The following SLC24A2 variants were observed in gnomAD, a reference collection of about 807,000 sequenced individuals.
The protein encoded by SLC24A2 is sodium/potassium/calcium exchanger 2.
In SLC24A2, 36 loss-of-function variants were observed where a neutral mutation model predicts 62.0. The observed-to-expected ratio is 0.58, with a 90% CI of 0.44 to 0.77. The LOEUF is 0.77. Among genes scored for constraint, SLC24A2 ranks in the 30% least tolerant of loss-of-function variants. The pLI, the probability that SLC24A2 is intolerant of heterozygous loss-of-function variation, is 0.00. For missense variants in SLC24A2, 846 were observed against 817.9 expected (o/e 1.03, Z -0.42); for synonymous variants, 358 against 294.0 (o/e 1.22, Z -2.23).
At chr9:19,837,224 G>C in the SLC24A2 span, among the ~76,000 whole-genome samples, 1 of 151,364 alleles carries the variant, frequency 6.6e-6, no homozygotes, top group South Asian at 2.1e-4. Context: ...AGGCCGAGGC[G>C]GGTGGATCAT....
the SLC24A2 span, among the ~76,000 whole-genome samples, chr9:20,270,941 A>C: frequency 6.6e-6 from 1 of 152,104 alleles, no homozygotes. Flanking sequence ...TGTTCTTTGG[A>C]ATCCAGTTTC....
chr9:20,176,620 G>A, the SLC24A2 span, among the ~76,000 whole-genome samples: 7 of 152,206 alleles, frequency 4.6e-5, no homozygotes, highest in South Asian at 8.3e-4. Context: ...CATAGACACC[G>A]ATGAAGATGC....
At chr9:20,258,145 G>A in the SLC24A2 span, among the ~76,000 whole-genome samples, 72 of 152,256 alleles carry the variant, frequency 4.7e-4, no homozygotes, top group African/African-American at 1.5e-3. Context: ...CATCCGGAAC[G>A]GTGATATGTT....
chr9:20,259,682 T>G, the SLC24A2 span, among the ~76,000 whole-genome samples: 3 of 152,140 alleles, frequency 2.0e-5, no homozygotes, highest in Non-Finnish European at 2.9e-5. Flanking sequence ...CTTAATCATC[T>G]CAAGCCTCTG....
At chr9:20,161,559 G>A in the SLC24A2 span, among the ~76,000 whole-genome samples, 390 of 151,370 alleles carry the variant, frequency 2.6e-3, 2 homozygotes, top group Non-Finnish European at 4.1e-3. Flanking sequence ...GGGATGAAAG[G>A]ATGGTTCAAT....
the SLC24A2 span, among the ~76,000 whole-genome samples, chr9:20,133,062 A>G: frequency 1.3e-5 from 2 of 152,096 alleles, no homozygotes; most frequent in Non-Finnish European, 2.9e-5. Context: ...GTTCACTTTA[A>G]CTAAGGGAGA....
At chr9:20,197,176 G>C in the SLC24A2 span, among the ~76,000 whole-genome samples, 1 of 152,116 alleles carries the variant, frequency 6.6e-6, no homozygotes, top group African/African-American at 2.4e-5. Context: ...ACTTGGATAA[G>C]AGATTTCTAG....
the SLC24A2 span, among the ~76,000 whole-genome samples, chr9:20,034,180 A>C: frequency 1.3e-5 from 2 of 151,968 alleles, no homozygotes; most frequent in Admixed American, 6.6e-5. Flanking sequence ...TATCTACACG[A>C]CCCCTTCCTT....
the SLC24A2 span, among the ~76,000 whole-genome samples, chr9:20,301,377 G>A: frequency 6.6e-6 from 1 of 151,938 alleles, no homozygotes; most frequent in African/African-American, 2.4e-5. Flanking sequence ...TGGAAAAAAT[G>A]TAAAAGAAAA....
At chr9:20,073,183 G>C in the SLC24A2 span, among the ~76,000 whole-genome samples, 11 of 152,142 alleles carry the variant, frequency 7.2e-5, no homozygotes, top group Non-Finnish European at 1.6e-4. Context: ...GTTGTCTGGG[G>C]CTGGAGTATC....
At chr9:19,687,363 C>A (rs1344531528) in intron 2 of SLC24A2, among the ~76,000 whole-genome samples, 2 of 152,108 alleles carry the variant, frequency 1.3e-5, no homozygotes, top group Non-Finnish European at 2.9e-5. Flanking sequence ...CCCTTGTGTA[C>A]ATAGTCCTCA....
the SLC24A2 span, among the ~76,000 whole-genome samples, chr9:20,280,205 G>C: frequency 1.3e-5 from 2 of 152,226 alleles, no homozygotes; most frequent in Non-Finnish European, 2.9e-5. Flanking sequence ...GTTAAACGAA[G>C]ATGTGGCTCA....
At chr9:19,948,574 C>G in the SLC24A2 span, among the ~76,000 whole-genome samples, 1 of 152,114 alleles carries the variant, frequency 6.6e-6, no homozygotes, top group Non-Finnish European at 1.5e-5. Context: ...ACAGAGCTAA[C>G]GGGCCGGGCG....
intron 3 of SLC24A2, among the ~76,000 whole-genome samples, chr9:19,620,966 G>A (rs1393063628): frequency 2.0e-5 from 3 of 152,042 alleles, no homozygotes; most frequent in Non-Finnish European, 4.4e-5. Context: ...GAGACCCCAT[G>A]ATCAAATACA....
the SLC24A2 span, among the ~76,000 whole-genome samples, chr9:20,108,204 A>T: frequency 6.6e-6 from 1 of 151,992 alleles, no homozygotes; most frequent in Non-Finnish European, 1.5e-5. Context: ...AACAACAGGT[A>T]CTGGAGAGGA....
chr9:20,069,068 C>T, the SLC24A2 span, among the ~76,000 whole-genome samples: 8 of 152,108 alleles, frequency 5.3e-5, no homozygotes, highest in South Asian at 1.7e-3. Flanking sequence ...TTTTCCTACT[C>T]CAGCAATGAT....
the SLC24A2 span, among the ~76,000 whole-genome samples, chr9:20,043,444 G>A: frequency 5.3e-5 from 8 of 152,146 alleles, no homozygotes; most frequent in Non-Finnish European, 1.0e-4. Context: ...TCTCTCTGAT[G>A]GATCTGGACA....
the SLC24A2 span, among the ~76,000 whole-genome samples, chr9:19,941,590 T>TGTGTGTGAGAGA: frequency 0.013 from 1,681 of 127,936 alleles, 35 homozygotes; most frequent in African/African-American, 0.041. Flanking sequence ...TGTGTGTGTG[T>TGTGTGTGAGAGA]GAGAGAGAGA....
chr9:19,920,538 T>C, the SLC24A2 span, among the ~76,000 whole-genome samples: 5 of 152,082 alleles, frequency 3.3e-5, no homozygotes, highest in African/African-American at 9.7e-5. Context: ...CAAACCAGCA[T>C]TGGGTACGCT....
Sources: gnomAD v4.1 joint callset for allele counts (sites outside exome capture counted in the v4.1 genomes callset) on GRCh38, gnomAD v4.1.1 for gene constraint, MANE v1.5 for transcripts, NCBI Gene and HGNC (gene_info 2026-07-23, HGNC 2026-07-21) for gene names.